Variants in CHRNA9 observed in about 807,000 individuals in gnomAD.
The protein encoded by CHRNA9 is cholinergic receptor nicotinic alpha 9 subunit.
In CHRNA9, 24 loss-of-function variants were observed where a neutral mutation model predicts 36.8. The observed-to-expected ratio is 0.65, with a 90% confidence interval of 0.47 to 0.92. CHRNA9 has a LOEUF of 0.92. Ranked by LOEUF, CHRNA9 falls within the 40% of genes least tolerant of loss-of-function variation. CHRNA9 has a pLI of 0.00. For synonymous variants in CHRNA9, 231 were observed against 231.8 expected, an observed-to-expected ratio of 1.00 and a Z score of 0.03; for missense variants, 610 against 601.2, an observed-to-expected ratio of 1.01 and a Z score of -0.15.
rs370509666 is a variant in CHRNA9 at position 40,354,157 on chromosome 4, C to T, written c.1077C>T (p.Leu359=). Reference sequence around the variant, plus strand: ...TCTATGATGTGGGTGAAAGCTGCCTCAGCCCGCACCACAGTAGAGAGCGGG... The same window carrying T: ...TCTATGATGTGGGTGAAAGCTGCCTTAGCCCGCACCACAGTAGAGAGCGGG... The part of the protein sequence containing the change: ...LFVYDVGESC[L]SPHHSRERDH... The change falls in exon 5 of 5, where the codon CTC becomes CTT. Residue 359 remains leucine, a synonymous_variant. Transcript: ENST00000310169. 140 of 1,614,048 alleles carry T rather than the reference C, an allele frequency of 8.7e-5. No homozygotes were observed. The highest frequency in any genetic ancestry group is 1.1e-4 in the Non-Finnish European group (124 of 1,180,006).
intron 3 of CHRNA9, among the ~76,000 whole-genome samples, chr4:40,342,351 G>A (rs888480250): frequency 4.6e-5 from 7 of 152,188 alleles, no homozygotes; most frequent in Non-Finnish European, 1.0e-4. Flanking sequence ...AGGCAAATCT[G>A]AAACCTGGAG....
At chr4:40,343,042 G>A (rs759622382) in intron 3 of CHRNA9, among the ~76,000 whole-genome samples, 1 of 152,188 alleles carries the variant, frequency 6.6e-6, no homozygotes, top group Non-Finnish European at 1.5e-5. Context: ...ACAAGTCTAC[G>A]CTGAGGTTCC....
At chr4:40,350,640 C>T (rs1439666734) in intron 4 of CHRNA9, among the ~76,000 whole-genome samples, 3 of 151,100 alleles carry the variant, frequency 2.0e-5, no homozygotes, top group Admixed American at 2.0e-4. Context: ...GATGATACTA[C>T]AGTGGCTTCT....
intron 2 of CHRNA9, among the ~76,000 whole-genome samples, chr4:40,336,679 A>G (rs1712330465): frequency 6.6e-6 from 1 of 151,820 alleles, no homozygotes; most frequent in Non-Finnish European, 1.5e-5. Context: ...ACAGGGTTTT[A>G]CCGTGTTAGT....
intron 3 of CHRNA9, among the ~76,000 whole-genome samples, chr4:40,338,866 CTGTCTCTCTCTCTCCCT>C (rs1560315337): frequency 4.5e-4 from 53 of 118,068 alleles, no homozygotes; most frequent in Non-Finnish European, 6.7e-4. Flanking sequence ...CTCTCTCTCT[CTGTCTCTCTCTCTCCCT>C]CTCTCTCTCA....
chr4:40,354,481 G>C lies in CHRNA9; in HGVS notation c.1401G>C (p.Val467=). 6.2e-7 allele frequency: 1 copy of C among 1,613,858 alleles called. No homozygotes were observed. The change falls in exon 5 of 5, where the codon GTG becomes GTC. Residue 467 remains valine, a synonymous_variant. Coordinates refer to ENST00000310169, the MANE Select transcript of CHRNA9 (RefSeq NM_017581.4). ...RFFMWIFFIM[V]FVMTILIIAR... ...TCATGTGGATTTTTTTCATTATGGT[G>C]TTTGTGATGACTATTTTGATCATAG...
intron 3 of CHRNA9, among the ~76,000 whole-genome samples, chr4:40,348,663 T>G (rs1712703279): frequency 6.6e-6 from 1 of 152,098 alleles, no homozygotes; most frequent in African/African-American, 2.4e-5. Flanking sequence ...AAGAGATGCT[T>G]TAAAGGAAGA....
chr4:40,338,450 C>T (rs183066522), intron 3 of CHRNA9, among the ~76,000 whole-genome samples: 10 of 152,214 alleles, frequency 6.6e-5, no homozygotes, highest in Admixed American at 4.6e-4. Flanking sequence ...TCAGTGGCCC[C>T]GCCTGTTGTT....
In CHRNA9 at chr4:40,354,262, G is replaced by T. The variant is rs1180224313; in HGVS notation, c.1182G>T (p.Lys394Asn). 1 of 1,614,100 alleles carries T rather than the reference G, an allele frequency of 6.2e-7. No individual in the cohort carries two copies. Among genetic ancestry groups the T allele is most frequent in the Non-Finnish European group, 8.5e-7 (1 of 1,180,048 alleles). ...GGAACAAAGACCTTTCCAGAAAGAA[G>T]GACATGAACAAACGCTTAAAGAACG... ...AARNKDLSRK[K>N]DMNKRLKNDL... The change falls in exon 5 of 5, where the codon AAG (lysine) becomes AAT (asparagine). Residue 394 changes from lysine (K) to asparagine (N), a missense_variant. Coordinates refer to ENST00000310169, the MANE Select transcript of CHRNA9 (RefSeq NM_017581.4).
Position 40,348,964 on chromosome 4 carries a change from A to G in CHRNA9, c.448A>G (p.Ile150Val). ...GCTGATCACCTGGGATGCACCGGCC[A>G]TCACCAAAAGCTCCTGTGTGGTGGA... ...DGLITWDAPA[I>V]TKSSCVVDVT... is the part of the protein sequence containing the mutation. Residue 150 changes from isoleucine to valine, a missense_variant, in exon 4 of 5, where the codon ATC becomes GTC. Transcript: ENST00000310169. The G allele has an allele frequency of 6.2e-7, 1 of 1,614,216 alleles. No homozygotes were observed. Among genetic ancestry groups the G allele is most frequent in the Non-Finnish European group, 8.5e-7 (1 of 1,180,016 alleles).
intron 2 of CHRNA9, among the ~76,000 whole-genome samples, chr4:40,336,746 C>T (rs1712333603): frequency 6.6e-6 from 1 of 152,138 alleles, no homozygotes. Context: ...TCCCAAAGTG[C>T]TGGGATTACA....
At chr4:40,340,299 T>C (rs1433730665) in intron 3 of CHRNA9, among the ~76,000 whole-genome samples, 1 of 152,220 alleles carries the variant, frequency 6.6e-6, no homozygotes, top group Non-Finnish European at 1.5e-5. Context: ...GTCATCTCTG[T>C]GCTCTTGTCA....
intron 4 of CHRNA9, among the ~76,000 whole-genome samples, chr4:40,351,341 A>AC (rs1383290254): frequency 1.3e-5 from 2 of 151,032 alleles, no homozygotes; most frequent in African/African-American, 4.9e-5. Flanking sequence ...CAAAAAAAAA[A>AC]AATTGAAAAA....
rs1712908437 is a variant in CHRNA9, at chr4:40,354,616, A to G, written c.*96A>G. 1.9e-6 allele frequency: 2 copies of G among 1,034,738 alleles called. No homozygotes were observed. Among genetic ancestry groups the G allele is most frequent in the African/African-American group, 1.6e-5 (1 of 62,554 alleles). The allele number at this position is 1,034,738 out of a possible 1,614,324, so 64.1% of individuals were successfully genotyped here. On this transcript the variant is annotated 3_prime_UTR_variant, in exon 5 of 5. Transcript: ENST00000310169. ...CAAGATTTTTGTTCATCTATAATTT[A>G]GGGGTTATGTTGTCTGTGCTTTTTA... is the stretch of plus-strand genomic sequence containing the variant.
intron 4 of CHRNA9, among the ~76,000 whole-genome samples, chr4:40,350,803 T>G (rs1412297000): frequency 1.3e-5 from 2 of 151,766 alleles, no homozygotes; most frequent in East Asian, 1.9e-4. Context: ...TTTTATTACC[T>G]CTCCTGAGGC....
At position 40,354,630 on chromosome 4, in the gene CHRNA9, C is replaced by G; in HGVS notation, c.*110C>G. On this transcript the variant is annotated 3_prime_UTR_variant, in exon 5 of 5. Transcript: ENST00000310169. Reference sequence around the variant, plus strand: ...ATCTATAATTTAGGGGTTATGTTGTCTGTGCTTTTTATTTTTAGCTTCAAA... The same window carrying G: ...ATCTATAATTTAGGGGTTATGTTGTGTGTGCTTTTTATTTTTAGCTTCAAA... 5.5e-6 allele frequency: 5 copies of G among 910,310 alleles called. No individual in the cohort carries two copies. Among genetic ancestry groups the G allele is most frequent in the Non-Finnish European group, 8.4e-6 (5 of 596,410 alleles). 56.4% of individuals were successfully genotyped at this position (910,310 alleles called of 1,614,324 possible).
intron 3 of CHRNA9, among the ~76,000 whole-genome samples, chr4:40,339,470 CAGG>C (rs1387979330): frequency 6.6e-6 from 1 of 150,694 alleles, no homozygotes; most frequent in African/African-American, 2.4e-5. Context: ...ATCATGAGGT[CAGG>C]AGATCGAGAC....
Position 40,337,289 on chromosome 4 carries a change from A to G in CHRNA9, c.290A>G (p.Asp97Gly). 6.2e-7 allele frequency: 1 copy of G among 1,614,228 alleles called. No individual in the cohort carries two copies. The highest frequency in any genetic ancestry group is 8.5e-7 in the Non-Finnish European group (1 of 1,180,038). ...GATGCCTATCTCACGTGGGACCGAG[A>G]TCAGTACGATGGCCTAGACTCCATC... ...WHDAYLTWDR[D>G]QYDGLDSIRI... Residue 97 changes from aspartate (D) to glycine (G), a missense_variant, in exon 3 of 5, where the codon GAT (aspartate) becomes GGT (glycine). Physicochemically the swap from Asp to Gly is moderately conservative, Grantham distance 94. Transcript: ENST00000310169.
intron 4 of CHRNA9, among the ~76,000 whole-genome samples, chr4:40,350,130 T>C (rs1017436996): frequency 9.8e-5 from 15 of 152,342 alleles, no homozygotes; most frequent in African/African-American, 3.4e-4. Flanking sequence ...ATGTGCTTTT[T>C]AAGCCTGACA....
Sources: allele counts gnomAD v4.1 joint callset (sites outside exome capture counted in the v4.1 genomes callset), GRCh38; gene constraint gnomAD v4.1.1; transcripts MANE v1.5; gene names NCBI Gene and HGNC (gene_info 2026-07-23, HGNC 2026-07-21).